Variants in MOB3B observed in about 807,000 individuals in gnomAD.
MOB3B encodes the protein MOB kinase activator 3B, also known as MOB kinase activator-like 2B.
Under a neutral mutation model 18.7 loss-of-function variants are expected in MOB3B, and 7 were observed. The observed-to-expected ratio is 0.37, with a 90% CI of 0.21 to 0.70. The LOEUF (loss-of-function observed/expected upper bound fraction) is 0.70. Among genes scored for constraint, MOB3B ranks in the 30% least tolerant of loss-of-function variants. The pLI, the probability that MOB3B is intolerant of heterozygous loss-of-function variation, is 0.52. For synonymous variants in MOB3B, 111 were observed against 99.9 expected, an observed-to-expected ratio of 1.11 and a Z score of -0.66; for missense variants, 253 against 281.3, an observed-to-expected ratio of 0.90 and a Z score of 0.72.
chr9:27,441,800 T>G (rs1822598636), intron 2 of MOB3B, among the ~76,000 whole-genome samples: 2 of 152,188 alleles, frequency 1.3e-5, no homozygotes, highest in African/African-American at 2.4e-5. Context: ...CATAGTCTAG[T>G]GCCTACTAGG....
At chr9:27,427,233 A>G (rs543483321) in intron 2 of MOB3B, among the ~76,000 whole-genome samples, 1 of 152,302 alleles carries the variant, frequency 6.6e-6, no homozygotes, top group East Asian at 1.9e-4. Flanking sequence ...CCTTAGTACA[A>G]CCCATAGACT....
At chr9:27,356,200 G>A (rs1056944551) in intron 3 of MOB3B, among the ~76,000 whole-genome samples, 1 of 152,150 alleles carries the variant, frequency 6.6e-6, no homozygotes, top group Non-Finnish European at 1.5e-5. Flanking sequence ...ATATTTACAA[G>A]CATTAAAATG....
At chr9:27,519,665 A>T (rs1820294253) in intron 1 of MOB3B, among the ~76,000 whole-genome samples, 1 of 152,230 alleles carries the variant, frequency 6.6e-6, no homozygotes, top group African/African-American at 2.4e-5. Flanking sequence ...GAGGAGCATG[A>T]CATGAGGCTG....
chr9:27,446,688 A>T (rs1315399998), intron 2 of MOB3B, among the ~76,000 whole-genome samples: 1 of 152,196 alleles, frequency 6.6e-6, no homozygotes, highest in African/African-American at 2.4e-5. Flanking sequence ...TTACTGCTCT[A>T]TGTCCTAGCA....
At chr9:27,467,167 C>G (rs1173250948) in intron 1 of MOB3B, among the ~76,000 whole-genome samples, 3 of 152,144 alleles carry the variant, frequency 2.0e-5, no homozygotes, top group Admixed American at 1.3e-4. Context: ...CATGTAATTG[C>G]AAACCATGTA....
intron 2 of MOB3B, chr9:27,397,443 T>C (rs1821817688): frequency 6.6e-6 from 1 of 152,212 alleles, no homozygotes; most frequent in Non-Finnish European, 1.5e-5. Flanking sequence ...GGCTCTCCAC[T>C]GATTATTATA....
At chr9:27,434,968 G>A (rs1391974676) in intron 2 of MOB3B, among the ~76,000 whole-genome samples, 1 of 152,004 alleles carries the variant, frequency 6.6e-6, no homozygotes, top group East Asian at 1.9e-4. Context: ...TTGAAAAACT[G>A]TAGACACAGG....
intron 2 of MOB3B, among the ~76,000 whole-genome samples, chr9:27,444,525 G>T (rs1311690937): frequency 6.6e-6 from 1 of 152,138 alleles, no homozygotes; most frequent in Admixed American, 6.5e-5. Flanking sequence ...TACTTGAAAA[G>T]AAATACTTTA....
intron 1 of MOB3B, among the ~76,000 whole-genome samples, chr9:27,505,667 G>C (rs1027464484): frequency 6.6e-6 from 1 of 152,184 alleles, no homozygotes; most frequent in Non-Finnish European, 1.5e-5. Flanking sequence ...AGGCCCTCTT[G>C]AAAGCTTAAT....
intron 2 of MOB3B, among the ~76,000 whole-genome samples, chr9:27,454,078 G>C (rs899438022): frequency 2.6e-5 from 4 of 152,076 alleles, no homozygotes; most frequent in African/African-American, 9.7e-5. Context: ...TTTGTGTGCC[G>C]AATATTTCAA....
At chr9:27,354,602 T>A (rs116862396) in intron 3 of MOB3B, among the ~76,000 whole-genome samples, 1 of 152,224 alleles carries the variant, frequency 6.6e-6, no homozygotes, top group East Asian at 1.9e-4. Context: ...ATAAGGGGCG[T>A]ATTGAAGAGA....
At chr9:27,347,599 C>A (rs1033519666) in intron 3 of MOB3B, among the ~76,000 whole-genome samples, 1 of 152,152 alleles carries the variant, frequency 6.6e-6, no homozygotes, top group Admixed American at 6.5e-5. Context: ...CAAGGTGTTG[C>A]GTGTAGGATG....
intron 2 of MOB3B, among the ~76,000 whole-genome samples, chr9:27,428,093 A>C (rs1822364362): frequency 6.6e-6 from 1 of 152,194 alleles, no homozygotes; most frequent in South Asian, 2.1e-4. Context: ...CTGCAAGCTG[A>C]ATGTTTGGTC....
At chr9:27,401,908 A>G (rs60769939) in intron 2 of MOB3B, among the ~76,000 whole-genome samples, 1,823 of 152,278 alleles carry the variant, frequency 0.012, 30 homozygotes, top group African/African-American at 0.041. Context: ...CTAGGTGGGT[A>G]TTATGCTCTA....
intron 2 of MOB3B, among the ~76,000 whole-genome samples, chr9:27,443,935 C>T (rs1048799221): frequency 1.6e-4 from 25 of 152,086 alleles, no homozygotes; most frequent in Admixed American, 3.9e-4. Context: ...GTATGATACA[C>T]ATTCTTTAGT....
At chr9:27,343,700 C>CT (rs58115889) in intron 3 of MOB3B, among the ~76,000 whole-genome samples, 42,509 of 123,784 alleles carry the variant, frequency 0.34, 7,563 homozygotes, top group Middle Eastern at 0.42. Context: ...GAATTTTAGC[C>CT]TTTTTTTTTT....
In MOB3B at chr9:27,491,600, C is replaced by T. The variant is rs566678103; in HGVS notation, c.-198-35852G>A. ...TTAAAAATCAATATAGGTGGTTGGG[C>T]ACGGTGGCTCATGCCTGTAATCCCA... is the stretch of plus-strand genomic sequence containing the variant. On this transcript the variant is annotated intron_variant, in intron 1 of 3. Coordinates refer to ENST00000262244, the MANE Select transcript of MOB3B (RefSeq NM_024761.5). 1.6e-4 allele frequency among the ~76,000 whole-genome samples: 25 copies of T among 152,236 alleles called. No individual in the cohort carries two copies. In the South Asian group the frequency reaches 4.8e-3, roughly 29 times the overall value.
At chr9:27,425,929 C>T (rs532293637) in intron 2 of MOB3B, among the ~76,000 whole-genome samples, 31 of 152,230 alleles carry the variant, frequency 2.0e-4, no homozygotes, top group African/African-American at 6.5e-4. Flanking sequence ...GGAAGAGTGA[C>T]GGCAAACTGA....
intron 1 of MOB3B, among the ~76,000 whole-genome samples, chr9:27,523,259 A>G (rs957830363): frequency 6.6e-6 from 1 of 152,190 alleles, no homozygotes; most frequent in African/African-American, 2.4e-5. Flanking sequence ...AACCATAAAC[A>G]ATAGATAGCC....
Sources: gnomAD v4.1 joint callset for allele counts (sites outside exome capture counted in the v4.1 genomes callset) on GRCh38, gnomAD v4.1.1 for gene constraint, MANE v1.5 for transcripts, NCBI Gene and HGNC (gene_info 2026-07-23, HGNC 2026-07-21) for gene names.